Variants in CSMD1 observed in about 807,000 individuals in gnomAD.
The protein encoded by CSMD1 is CUB and sushi domain-containing protein 1.
A neutral mutation model predicts 417.5 loss-of-function variants in CSMD1; 213 were observed. The ratio of observed to expected loss-of-function variants is 0.51; its 90% CI spans 0.46 to 0.57. The LOEUF is 0.57. Among genes scored for constraint, CSMD1 ranks in the 20% least tolerant of loss-of-function variants. CSMD1 has a pLI of 0.00. For synonymous variants in CSMD1, 2,862 were observed against 1,736.8 expected, an observed-to-expected ratio of 1.65 and a Z score of -16.11; for missense variants, 6,923 against 4,529.7, an observed-to-expected ratio of 1.53 and a Z score of -15.17.
At chr8:3,401,603 T>C (rs1029547666) in intron 15 of CSMD1, among the ~76,000 whole-genome samples, 2 of 152,198 alleles carry the variant, frequency 1.3e-5, no homozygotes, top group African/African-American at 4.8e-5. Context: ...CTAACAGCCC[T>C]GCAACTGTAG....
chr8:4,833,816 G>C (rs1038611291), intron 1 of CSMD1, among the ~76,000 whole-genome samples: 1 of 152,192 alleles, frequency 6.6e-6, no homozygotes, highest in African/African-American at 2.4e-5. Flanking sequence ...CTAAAAGGGA[G>C]ACTTCCAATC....
chr8:4,458,157 T>A (rs1219521881), intron 2 of CSMD1, among the ~76,000 whole-genome samples: 1 of 152,164 alleles, frequency 6.6e-6, no homozygotes, highest in Admixed American at 6.5e-5. Context: ...CTGTCTTGAG[T>A]GGATGCTGAT....
chr8:2,992,253 A>G (rs1806458920), intron 54 of CSMD1, among the ~76,000 whole-genome samples: 2 of 152,094 alleles, frequency 1.3e-5, no homozygotes, highest in South Asian at 2.1e-4. Flanking sequence ...GCTGGGAGGT[A>G]GAGGAGTAGG....
At position 3,523,320 on chromosome 8, in the gene CSMD1, T is replaced by C. The variant is rs75246457; in HGVS notation, c.1345-29594A>G. ...TGTAATTATTTTTGCTTTACTAAAT[T>C]ATTTTGTTCTATTGTGGCAACACAG... On this transcript the variant is annotated intron_variant, in intron 10 of 69. Transcript: ENST00000635120. Among the ~76,000 whole-genome samples the C allele has an allele frequency of 8.7e-4, 133 of 152,292 alleles. 1 individual carries two copies. The East Asian group carries it at 0.021, about 24-fold the overall frequency.
At chr8:4,391,695 C>G (rs915995572) in intron 3 of CSMD1, among the ~76,000 whole-genome samples, 2 of 152,124 alleles carry the variant, frequency 1.3e-5, no homozygotes, top group African/African-American at 2.4e-5. Flanking sequence ...TCTTCGCCAC[C>G]ACCAGCTTCC....
At chr8:3,910,641 A>G (rs994503333) in intron 5 of CSMD1, among the ~76,000 whole-genome samples, 1 of 152,226 alleles carries the variant, frequency 6.6e-6, no homozygotes, top group Non-Finnish European at 1.5e-5. Flanking sequence ...ATTGTGCTTA[A>G]TAAGAAAACA....
chr8:4,173,560 T>G (rs780141247), intron 3 of CSMD1, among the ~76,000 whole-genome samples: 1 of 152,060 alleles, frequency 6.6e-6, no homozygotes, highest in Non-Finnish European at 1.5e-5. Context: ...AAAGATAAAA[T>G]TATCAAATGA....
At chr8:3,053,051 G>A (rs1811972729) in intron 49 of CSMD1, among the ~76,000 whole-genome samples, 1 of 152,182 alleles carries the variant, frequency 6.6e-6, no homozygotes. Context: ...CAAAGTGCTG[G>A]GATTACAGGC....
chr8:3,138,796 G>C (rs532072328), intron 41 of CSMD1, among the ~76,000 whole-genome samples: 27 of 152,326 alleles, frequency 1.8e-4, no homozygotes, highest in African/African-American at 6.3e-4. Flanking sequence ...ACAGAAATAA[G>C]AGCTTAGCCA....
intron 1 of CSMD1, among the ~76,000 whole-genome samples, chr8:4,676,408 C>A (rs374548699): frequency 6.6e-6 from 1 of 152,290 alleles, no homozygotes; most frequent in East Asian, 1.9e-4. Flanking sequence ...CCATCCACCC[C>A]TCAACCACTT....
intron 6 of CSMD1, among the ~76,000 whole-genome samples, chr8:3,727,314 C>T (rs1036967044): frequency 5.3e-5 from 8 of 152,200 alleles, no homozygotes; most frequent in Admixed American, 4.6e-4. Context: ...TGCAGAGCCT[C>T]CCGCCTGAAC....
In CSMD1 at chr8:3,874,805, G is replaced by C. The variant is rs569572539; in HGVS notation, c.819-120763C>G. On this transcript the variant is annotated intron_variant, in intron 5 of 69. Transcript: ENST00000635120. ...TGGAAGGAGATGCAGACATTAAATA[G>C]GACACACACCAAAGACGGGGTCAAT... Among the ~76,000 whole-genome samples, 6 of 152,190 alleles carry C rather than the reference G, an allele frequency of 3.9e-5. No individual in the cohort carries two copies. The South Asian group carries it at 1.2e-3, about 32-fold the overall frequency.
chr8:4,010,739 C>A (rs143532871), intron 4 of CSMD1, among the ~76,000 whole-genome samples: 1 of 152,154 alleles, frequency 6.6e-6, no homozygotes, highest in African/African-American at 2.4e-5. Context: ...TCTTGTCTTA[C>A]CATCCTTAGG....
At chr8:4,676,887 G>A (rs1482875083) in intron 1 of CSMD1, among the ~76,000 whole-genome samples, 2 of 149,622 alleles carry the variant, frequency 1.3e-5, no homozygotes, top group Non-Finnish European at 3.0e-5. Flanking sequence ...TATATATAGA[G>A]AGAGATTTTA....
chr8:4,223,648 A>C (rs569709653), intron 3 of CSMD1, among the ~76,000 whole-genome samples: 72 of 152,338 alleles, frequency 4.7e-4, no homozygotes, highest in African/African-American at 1.7e-3. Flanking sequence ...CAGCGAGTTA[A>C]ACCCCAGTCT....
At chr8:3,583,613 AG>A (rs1233537477) in intron 9 of CSMD1, among the ~76,000 whole-genome samples, 3 of 152,032 alleles carry the variant, frequency 2.0e-5, no homozygotes, top group Non-Finnish European at 2.9e-5. Flanking sequence ...AAAACATGAT[AG>A]GAAAGACATA....
At chr8:3,485,989 G>C (rs1043722316) in intron 11 of CSMD1, among the ~76,000 whole-genome samples, 1 of 152,094 alleles carries the variant, frequency 6.6e-6, no homozygotes, top group South Asian at 2.1e-4. Context: ...TGAGCGATTA[G>C]GCAGCATTTT....
chr8:4,884,399 T>C (rs1433566601), intron 1 of CSMD1, among the ~76,000 whole-genome samples: 1 of 152,064 alleles, frequency 6.6e-6, no homozygotes, highest in East Asian at 1.9e-4. Flanking sequence ...TATCTATATG[T>C]ATTTTTTGTT....
intron 1 of CSMD1, among the ~76,000 whole-genome samples, chr8:4,818,453 C>G (rs1483759343): frequency 6.6e-6 from 1 of 152,090 alleles, no homozygotes; most frequent in Admixed American, 6.6e-5. Context: ...TCAGTAAATC[C>G]AAACTTAAAT....
Sources: gnomAD v4.1 joint callset for allele counts (sites outside exome capture counted in the v4.1 genomes callset) on GRCh38, gnomAD v4.1.1 for gene constraint, MANE v1.5 for transcripts, NCBI Gene and HGNC (gene_info 2026-07-23, HGNC 2026-07-21) for gene names.